The following SMG7 variants were observed in gnomAD, a reference collection of about 807,000 sequenced individuals.
SMG7 encodes SMG7 nonsense mediated mRNA decay factor.
Under a neutral mutation model 148.2 loss-of-function variants are expected in SMG7, and 34 were observed. The ratio of observed to expected loss-of-function variants is 0.23; its 90% CI spans 0.17 to 0.31. The LOEUF is 0.31. SMG7 is among the 10% of genes least tolerant of loss of function. SMG7 has a pLI of 1.00. For synonymous variants in SMG7, 492 were observed against 515.1 expected, an observed-to-expected ratio of 0.96 and a Z score of 0.61; for missense variants, 1,114 against 1,408.4, an observed-to-expected ratio of 0.79 and a Z score of 3.35.
rs141850897 is a variant in SMG7, at chr1:183,549,238, A to G, written c.2923A>G (p.Met975Val). Residue 975 changes from methionine to valine, a missense_variant, in exon 19 of 23, where the codon ATG becomes GTG. This residue lies in a region of SMG7 where 788 missense variants were observed against 894.5 expected (regional missense o/e 0.88). Coordinates refer to ENST00000688051, the MANE Select transcript of SMG7 (RefSeq NM_001375584.1). ...CTTATTGGAGAAGCCCTCAGAGCTC[A>G]TGTCACATTCATCCTCTTTCCTGTC... ...KSLLEKPSEL[M>V]SHSSSFLSLT... The G allele has an allele frequency of 6.2e-6, 10 of 1,613,798 alleles. No homozygotes were observed. Among genetic ancestry groups the G allele is most frequent in the East Asian group, 4.5e-5 (2 of 44,866 alleles).
chr1:183,474,155 T>C (rs1651487964), intron 1 of SMG7, among the ~76,000 whole-genome samples: 1 of 152,234 alleles, frequency 6.6e-6, no homozygotes. Flanking sequence ...AGATCTGTTG[T>C]AGGTGCTATA....
chr1:183,472,511 G>A lies in SMG7; in HGVS notation c.-110G>A, dbSNP rs1013953668. 7 of 1,041,674 alleles carry A rather than the reference G, an allele frequency of 6.7e-6. No individual in the cohort carries two copies. The highest frequency in any genetic ancestry group is 3.4e-4 in the Middle Eastern group (1 of 2,940). 64.5% of individuals were successfully genotyped at this position (1,041,674 alleles called of 1,614,324 possible). On this transcript the variant is annotated 5_prime_UTR_variant, in exon 1 of 23. Coordinates refer to ENST00000688051, the MANE Select transcript of SMG7 (RefSeq NM_001375584.1). The stretch of plus-strand genomic sequence containing the variant: ...CCTGCCGAGCGAGGAGGAGCCGGAG[G>A]AGAGGAAGATGGCGGCGGCCGCCAG...
At chr1:183,510,661 T>C (rs1236202379) in intron 1 of SMG7, among the ~76,000 whole-genome samples, 2 of 152,152 alleles carry the variant, frequency 1.3e-5, no homozygotes, top group Admixed American at 6.5e-5. Flanking sequence ...AAGGATTTGC[T>C]TTACATTTTA....
chr1:183,483,139 T>A (rs1654581789), intron 1 of SMG7, among the ~76,000 whole-genome samples: 1 of 152,216 alleles, frequency 6.6e-6, no homozygotes, highest in Admixed American at 6.5e-5. Flanking sequence ...AAGTCTGTTA[T>A]AACTGCTATA....
At chr1:183,538,934 A>G (rs1668271800) in intron 12 of SMG7, among the ~76,000 whole-genome samples, 1 of 152,102 alleles carries the variant, frequency 6.6e-6, no homozygotes, top group Non-Finnish European at 1.5e-5. Flanking sequence ...TCATGAGGTC[A>G]GGAGATCGAG....
chr1:183,472,981 C>T, intron 1 of SMG7: 1 of 347,466 alleles, frequency 2.9e-6, no homozygotes, highest in Non-Finnish European at 5.2e-6. Context: ...GGCGGCGACC[C>T]CGAGTGGAGG....
intron 1 of SMG7, among the ~76,000 whole-genome samples, chr1:183,500,621 A>G (rs1380185056): frequency 1.3e-5 from 2 of 152,188 alleles, no homozygotes; most frequent in South Asian, 4.1e-4. Flanking sequence ...TAGTCCTGTG[A>G]GTCCAATAAT....
intron 1 of SMG7, chr1:183,502,523 G>A (rs1659968533): frequency 1.6e-6 from 1 of 630,364 alleles, no homozygotes. Flanking sequence ...ATCGGGATGG[G>A]GCATGCTAAA....
At chr1:183,540,056 C>G (rs1668527434) in intron 12 of SMG7, among the ~76,000 whole-genome samples, 1 of 152,166 alleles carries the variant, frequency 6.6e-6, no homozygotes, top group African/African-American at 2.4e-5. Flanking sequence ...TCCATTTCCC[C>G]CAGTATTTAT....
chr1:183,494,708 A>G (rs1373059568), intron 1 of SMG7, among the ~76,000 whole-genome samples: 1 of 131,018 alleles, frequency 7.6e-6, no homozygotes, highest in Admixed American at 7.5e-5. Flanking sequence ...TTATTCTATT[A>G]TCTTCTGGCT....
chr1:183,519,482 C>G (rs1374127338), intron 4 of SMG7, among the ~76,000 whole-genome samples: 3 of 151,438 alleles, frequency 2.0e-5, no homozygotes, highest in Non-Finnish European at 4.4e-5. Context: ...AGGCACGATA[C>G]TAGATGCTGA....
intron 22 of SMG7, 72 bp downstream of exon 22, chr1:183,551,262 T>C (rs1214511654): frequency 3.8e-5 from 55 of 1,451,486 alleles, no homozygotes; most frequent in Non-Finnish European, 4.6e-5. Context: ...TTCACATAAA[T>C]AGCTAGACTT....
chr1:183,552,135 TC>T lies in SMG7; in HGVS notation c.*210del. ...AGAAAAATCCATCAGGAACTCTCCG[TC>T]CCCCCGGGGCCCTCCGGAGGGAGAG... On this transcript the variant is annotated 3_prime_UTR_variant, in exon 23 of 23. Coordinates refer to ENST00000688051, the MANE Select transcript of SMG7 (RefSeq NM_001375584.1). 3 of 1,257,646 alleles carry T rather than the reference TC, an allele frequency of 2.4e-6. No individual in the cohort carries two copies. Among genetic ancestry groups the T allele is most frequent in the Admixed American group, 3.8e-5 (1 of 26,402 alleles). 77.9% of individuals were successfully genotyped at this position (1,257,646 alleles called of 1,614,324 possible).
At chr1:183,533,568 A>G (rs1667227893) in intron 9 of SMG7, 108 bp from the exon 10 acceptor site, 1 of 998,044 alleles carries the variant, frequency 1.0e-6, no homozygotes, top group Non-Finnish European at 1.5e-6. Context: ...AAGAAGCTGT[A>G]AGATACTCAA....
chr1:183,553,608 G>GCCCCCCCCCCCCC lies in SMG7; in HGVS notation c.*1685_*1686insCCCCCCCCCCCCC, dbSNP rs3832026. 32 of 128,342 alleles carry GCCCCCCCCCCCCC rather than the reference G, an allele frequency of 2.5e-4. No homozygotes were observed. Among genetic ancestry groups the GCCCCCCCCCCCCC allele is most frequent in the Non-Finnish European group, 4.2e-4 (25 of 59,274 alleles). The allele number at this position is 128,342 out of a possible 1,614,324, so 8.0% of individuals were successfully genotyped here. A position where few individuals can be genotyped will look rare whatever the true frequency, so the allele number is the denominator to read the frequency against. On this transcript the variant is annotated 3_prime_UTR_variant, in exon 23 of 23. Transcript: ENST00000688051. ...TTGCTCTTCAGAGAGAGTGGTTGGA[G>GCCCCCCCCCCCCC]CCCCCCCCGCCCCGTATGCTTACAT...
intron 10 of SMG7, among the ~76,000 whole-genome samples, chr1:183,534,163 TTTGTTTGAG>T (rs1667333298): frequency 6.6e-6 from 1 of 150,718 alleles, no homozygotes; most frequent in Non-Finnish European, 1.5e-5. Flanking sequence ...TCCTTAATTT[TTTGTTTGAG>T]TTGAAGGGAA....
chr1:183,546,549 C>T (rs1669960653), intron 17 of SMG7, among the ~76,000 whole-genome samples: 1 of 152,166 alleles, frequency 6.6e-6, no homozygotes, highest in African/African-American at 2.4e-5. Context: ...TGATTTTGAA[C>T]TCTGATGGTC....
intron 20 of SMG7, 73 bp downstream of exon 20, chr1:183,549,996 C>G: frequency 2.1e-6 from 2 of 945,354 alleles, no homozygotes; most frequent in Non-Finnish European, 3.1e-6. Context: ...TAGTGAGATT[C>G]TGTAATTACA....
At chr1:183,483,235 C>T (rs1378616729) in intron 1 of SMG7, among the ~76,000 whole-genome samples, 1 of 152,098 alleles carries the variant, frequency 6.6e-6, no homozygotes, top group Non-Finnish European at 1.5e-5. Flanking sequence ...CTTTCCTTCT[C>T]CTTCCCAAAG....
Sources: allele counts gnomAD v4.1 joint callset (sites outside exome capture counted in the v4.1 genomes callset), GRCh38; gene constraint gnomAD v4.1.1; regional missense constraint gnomAD v4.1.1; transcripts MANE v1.5; gene names NCBI Gene and HGNC (gene_info 2026-07-23, HGNC 2026-07-21).